The following POU6F2 variants were observed in gnomAD, a reference collection of about 807,000 sequenced individuals.
The protein encoded by POU6F2 is POU class 6 homeobox 2.
Under a neutral mutation model 71.3 loss-of-function variants are expected in POU6F2, and 31 were observed. The ratio of observed to expected loss-of-function variants is 0.43; its 90% CI spans 0.33 to 0.59. The LOEUF (loss-of-function observed/expected upper bound fraction) is 0.59, where lower values mean the gene tolerates loss of function less well. POU6F2 is among the 20% of genes least tolerant of loss of function. The pLI is 0.04. For synonymous variants in POU6F2, 347 were observed against 355.7 expected, an observed-to-expected ratio of 0.98 and a Z score of 0.27; for missense variants, 783 against 856.8, an observed-to-expected ratio of 0.91 and a Z score of 1.07.
chr7:39,258,655 C>T (rs1053183010), intron 4 of POU6F2, among the ~76,000 whole-genome samples: 5 of 151,078 alleles, frequency 3.3e-5, no homozygotes, highest in Admixed American at 3.3e-4. Context: ...CACCAATAGC[C>T]ACAAATTGTT....
intron 5 of POU6F2, among the ~76,000 whole-genome samples, chr7:39,401,324 GCAGA>G (rs1787298561): frequency 6.6e-6 from 1 of 152,174 alleles, no homozygotes; most frequent in Non-Finnish European, 1.5e-5. Flanking sequence ...GGAAGGGTGG[GCAGA>G]CAGTGAGCAG....
chr7:39,287,087 G>A (rs973584166), intron 4 of POU6F2, among the ~76,000 whole-genome samples: 1 of 152,136 alleles, frequency 6.6e-6, no homozygotes, highest in African/African-American at 2.4e-5. Context: ...GTCTCTATGA[G>A]GAACAGGCAC....
intron 2 of POU6F2, among the ~76,000 whole-genome samples, chr7:39,087,167 T>A (rs199999206): frequency 0.062 from 6,686 of 108,702 alleles, 198 homozygotes; most frequent in East Asian, 0.097. Flanking sequence ...TTAATTTATT[T>A]ATTTATTTAT....
intron 1 of POU6F2, among the ~76,000 whole-genome samples, chr7:39,066,627 A>G (rs867533421): frequency 1.3e-5 from 2 of 151,496 alleles, no homozygotes; most frequent in Non-Finnish European, 1.5e-5. Context: ...GGAAATGACA[A>G]CATCTTCCTG....
Position 39,286,452 on chromosome 7 carries a change from A to G in POU6F2, c.599-53190A>G, listed in dbSNP as rs142014342. Among the ~76,000 whole-genome samples, 402 of 152,364 alleles carry G rather than the reference A, an allele frequency of 2.6e-3. 2 individuals are homozygous for G. The highest frequency in any genetic ancestry group is 9.1e-3 in the African/African-American group (379 of 41,592). On this transcript the variant is annotated intron_variant, in intron 4 of 9. Coordinates refer to ENST00000518318, the MANE Select transcript of POU6F2 (RefSeq NM_001370959.1). ...TAATCTTACTGTCAAATTAAGGGGC[A>G]GAATTAACAGGACAATGTAAAATGT...
At chr7:39,146,752 A>T (rs6975808) in intron 2 of POU6F2, among the ~76,000 whole-genome samples, 5,360 of 152,204 alleles carry the variant, frequency 0.035, 303 homozygotes, top group African/African-American at 0.12. Context: ...ATTCTCATCG[A>T]GGCACAGGAA....
intron 1 of POU6F2, among the ~76,000 whole-genome samples, chr7:39,004,449 G>A (rs999967065): frequency 6.6e-6 from 1 of 152,154 alleles, no homozygotes; most frequent in African/African-American, 2.4e-5. Context: ...ATGAGAATTT[G>A]TTCCACTAAA....
At chr7:39,204,183 A>G in intron 2 of POU6F2, 52 bp from the exon 3 acceptor site, 3 of 1,473,048 alleles carry the variant, frequency 2.0e-6, no homozygotes, top group Non-Finnish European at 9.4e-7. Context: ...ATGTGACATC[A>G]GTTCCCAAGC....
Position 39,050,292 on chromosome 7 carries a change from A to G in POU6F2, c.106-35568A>G, listed in dbSNP as rs1304975447. ...CAATGATTAGTGAGAGATTGGGCCC[A>G]AACACTTCAAGCCAGCAAAATCTCC... On this transcript the variant is annotated intron_variant, in intron 1 of 9. Transcript: ENST00000518318. Among the ~76,000 whole-genome samples, 11 of 152,190 alleles carry G rather than the reference A, an allele frequency of 7.2e-5. No homozygotes were observed. In the East Asian group the frequency reaches 2.1e-3, roughly 30 times the overall value.
intron 4 of POU6F2, among the ~76,000 whole-genome samples, chr7:39,263,563 T>A (rs910705573): frequency 2.6e-5 from 4 of 152,128 alleles, no homozygotes; most frequent in African/African-American, 9.7e-5. Flanking sequence ...CAAAGAAAAA[T>A]AGAAAAAGTC....
intron 1 of POU6F2, among the ~76,000 whole-genome samples, chr7:39,025,578 C>T (rs536481321): frequency 1.3e-5 from 2 of 152,120 alleles, no homozygotes; most frequent in Admixed American, 6.6e-5. Flanking sequence ...CCCTTCCTTA[C>T]ACCTTATACA....
chr7:39,218,022 A>C (rs1794275943), intron 4 of POU6F2, among the ~76,000 whole-genome samples: 1 of 152,200 alleles, frequency 6.6e-6, no homozygotes, highest in South Asian at 2.1e-4. Flanking sequence ...AGCAAAATGC[A>C]GGAAAGTAAT....
At chr7:39,450,142 A>G (rs1361359485) in intron 7 of POU6F2, among the ~76,000 whole-genome samples, 6 of 152,238 alleles carry the variant, frequency 3.9e-5, no homozygotes, top group African/African-American at 1.4e-4. Context: ...AAATGAACAC[A>G]CACACACTGG....
chr7:39,430,089 A>T (rs778489246), intron 6 of POU6F2, among the ~76,000 whole-genome samples: 1 of 152,218 alleles, frequency 6.6e-6, no homozygotes, highest in African/African-American at 2.4e-5. Context: ...AAATAGGCAC[A>T]TCAGAGAATA....
intron 6 of POU6F2, 135 bp from the exon 7 acceptor site, chr7:39,432,942 C>T: frequency 1.3e-6 from 1 of 763,936 alleles, no homozygotes; most frequent in Non-Finnish European, 2.1e-6. Context: ...CCACCACACC[C>T]CCCTCCAGAG....
intron 5 of POU6F2, among the ~76,000 whole-genome samples, chr7:39,372,237 T>C (rs1219376049): frequency 6.6e-6 from 1 of 152,176 alleles, no homozygotes; most frequent in Non-Finnish European, 1.5e-5. Flanking sequence ...ATTCTTTATG[T>C]ACTTATATAA....
intron 1 of POU6F2, among the ~76,000 whole-genome samples, chr7:39,010,014 G>C (rs1252068256): frequency 6.6e-6 from 1 of 150,672 alleles, no homozygotes; most frequent in Non-Finnish European, 1.5e-5. Flanking sequence ...CCAGGCTTTG[G>C]TATCAGAATG....
At chr7:39,296,357 C>T (rs1329233253) in intron 4 of POU6F2, among the ~76,000 whole-genome samples, 1 of 152,170 alleles carries the variant, frequency 6.6e-6, no homozygotes, top group Non-Finnish European at 1.5e-5. Context: ...GAACAAGATA[C>T]AATATCTTAG....
rs1157564545 is a variant in POU6F2 at position 39,204,272 on chromosome 7, T to C, written c.315T>C (p.Thr105=). The part of the protein sequence containing the change: ...RGNPALSDPG[T]PDQHQASQTH... ...ACCCAGCATTATCAGACCCAGGCACTCCTGACCAACACCAGGCCAGTCAGA... is the reference window on the plus strand; with the variant it reads ...ACCCAGCATTATCAGACCCAGGCACCCCTGACCAACACCAGGCCAGTCAGA... Residue 105 remains threonine (T), a synonymous_variant, in exon 3 of 10, where the codon ACT becomes ACC. Coordinates refer to ENST00000518318, the MANE Select transcript of POU6F2 (RefSeq NM_001370959.1). 1 of 1,613,892 alleles carries C rather than the reference T, an allele frequency of 6.2e-7. No individual in the cohort carries two copies. Among genetic ancestry groups the C allele is most frequent in the East Asian group, 2.2e-5 (1 of 44,868 alleles).
Sources: allele counts gnomAD v4.1 joint callset (sites outside exome capture counted in the v4.1 genomes callset), GRCh38; gene constraint gnomAD v4.1.1; transcripts MANE v1.5; gene names NCBI Gene and HGNC (gene_info 2026-07-23, HGNC 2026-07-21).